PHYH: variants seen among roughly 807,000 people sequenced by gnomAD.
PHYH encodes phytanoyl-CoA 2-hydroxylase.
In PHYH, 32 loss-of-function variants were observed where a neutral mutation model predicts 38.5. That is an observed-to-expected ratio of 0.83 (90% CI 0.63 to 1.12). The LOEUF is 1.12. PHYH is among the 50% of genes most tolerant of loss of function. The pLI is 0.00. For missense variants in PHYH, 426 were observed against 434.8 expected (o/e 0.98, Z 0.18); for synonymous variants, 166 against 157.9 (o/e 1.05, Z -0.38).
chr10:13,282,766 A>G (rs1835444353), intron 7 of PHYH, among the ~76,000 whole-genome samples: 1 of 152,116 alleles, frequency 6.6e-6, no homozygotes, highest in African/African-American at 2.4e-5. Flanking sequence ...CAGCCAATAC[A>G]TTGGGTATTT....
chr10:13,282,728 C>G (rs1835443324), intron 7 of PHYH, among the ~76,000 whole-genome samples: 1 of 151,902 alleles, frequency 6.6e-6, no homozygotes, highest in Admixed American at 6.6e-5. Context: ...CCAATAGTGT[C>G]TTTTATTTAA....
chr10:13,285,559 G>A (rs1448184435), intron 6 of PHYH, among the ~76,000 whole-genome samples: 1 of 151,486 alleles, frequency 6.6e-6, no homozygotes, highest in Non-Finnish European at 1.5e-5. Context: ...TAACAATGGG[G>A]GCTCTTTCCA....
intron 1 of PHYH, 199 bp downstream of exon 1, chr10:13,299,769 G>C (rs1832698465): frequency 4.6e-6 from 6 of 1,312,140 alleles, no homozygotes; most frequent in Non-Finnish European, 5.8e-6. Flanking sequence ...GGCCGCGCGT[G>C]TCCTCGGGGG....
At chr10:13,283,525 A>T (rs974194586) in intron 7 of PHYH, among the ~76,000 whole-genome samples, 165 bp downstream of exon 7, 2 of 152,208 alleles carry the variant, frequency 1.3e-5, no homozygotes, top group Non-Finnish European at 2.9e-5. Context: ...ATTTCCTGGT[A>T]AATAAACTGG....
intron 4 of PHYH, among the ~76,000 whole-genome samples, chr10:13,293,433 T>C (rs142187639): frequency 0.011 from 1,621 of 152,040 alleles, 14 homozygotes; most frequent in Non-Finnish European, 0.017. Context: ...TACTGAGTAG[T>C]TGGGATTACA....
intron 1 of PHYH, among the ~76,000 whole-genome samples, chr10:13,298,454 A>T (rs539780435): frequency 6.6e-6 from 1 of 151,966 alleles, no homozygotes; most frequent in Non-Finnish European, 1.5e-5. Flanking sequence ...TAATCCTAGC[A>T]CTTTGGGAGG....
At position 13,294,347 on chromosome 10, in the gene PHYH, C is replaced by A. The variant is rs577080103; in HGVS notation, c.414+81G>T. 9 of 1,349,232 alleles carry A rather than the reference C, an allele frequency of 6.7e-6. No homozygotes were observed. The East Asian group carries it at 9.2e-5, about 14-fold the overall frequency. 83.6% of individuals were successfully genotyped at this position (1,349,232 alleles called of 1,614,324 possible). ...CTCGGATTACAGGAGTGAGCCACTG[C>A]GCCCGGCCAAATCAGCGGGTTTTAC... On this transcript the variant is annotated intron_variant, in intron 4 of 8. Coordinates refer to ENST00000263038, the MANE Select transcript of PHYH (RefSeq NM_006214.4).
intron 5 of PHYH, among the ~76,000 whole-genome samples, chr10:13,291,017 T>C (rs1588513167): frequency 6.8e-6 from 1 of 147,010 alleles, no homozygotes; most frequent in East Asian, 2.0e-4. Context: ...GAATCAGGAA[T>C]TGTTTGAACC....
intron 7 of PHYH, among the ~76,000 whole-genome samples, chr10:13,281,339 T>C (rs563264113): frequency 6.6e-6 from 1 of 152,206 alleles, no homozygotes; most frequent in Non-Finnish European, 1.5e-5. Context: ...AGATGTGACA[T>C]GTATTTTTGA....
In PHYH at chr10:13,291,833, G is replaced by A. The variant is rs1835718106; in HGVS notation, c.494C>T (p.Ser165Phe). The A allele has an allele frequency of 3.7e-6, 6 of 1,600,722 alleles. No individual in the cohort carries two copies. Among genetic ancestry groups the A allele is most frequent in the Non-Finnish European group, 5.1e-6 (6 of 1,168,964 alleles). ...TTTTTCTTCTCCCTTACAATTACCA[G>A]AATCTGGAGGTTTGTTTATCAACAT... ...HTMLINKPPDSGKKTSRHPLH... is the reference protein window; with the variant it reads ...HTMLINKPPDFGKKTSRHPLH... The change falls in exon 5 of 9, where the codon TCT becomes TTT. Residue 165 changes from serine to phenylalanine, a missense_variant and splice_region_variant. Physicochemically the swap from Ser to Phe is radical, Grantham distance 155. Transcript: ENST00000263038.
At chr10:13,298,078 G>A in intron 2 of PHYH, 109 bp downstream of exon 2, 1 of 740,294 alleles carries the variant, frequency 1.4e-6, no homozygotes, top group Non-Finnish European at 2.4e-6. Context: ...CAGAGGATTT[G>A]TATAATAAAA....
chr10:13,297,761 C>T (rs1024228255), intron 2 of PHYH, among the ~76,000 whole-genome samples: 1 of 151,292 alleles, frequency 6.6e-6, no homozygotes, highest in Non-Finnish European at 1.5e-5. Context: ...GGTGCCCGGC[C>T]ACAAGTTAAT....
chr10:13,299,938 A>C, intron 1 of PHYH, 30 bp downstream of exon 1: 1 of 1,506,838 alleles, frequency 6.6e-7, no homozygotes, highest in Non-Finnish European at 8.8e-7. Flanking sequence ...CGCCGGATCC[A>C]GCCCGAGCCC....
At chr10:13,283,551 G>T in intron 7 of PHYH, 139 bp downstream of exon 7, 1 of 864,768 alleles carries the variant, frequency 1.2e-6, no homozygotes, top group Non-Finnish European at 1.9e-6. Context: ...AGTCCAGGTT[G>T]GTTAAAAGCC....
At position 13,281,041 on chromosome 10, in the gene PHYH, T is replaced by C. The variant is rs1468367622; in HGVS notation, c.898A>G (p.Ile300Val). ...GCTATTCCTACAACTTCCTTCTCGATGTTTTCTTGACTGGTGCCCTTCACG... is the reference window on the plus strand; with the variant it reads ...GCTATTCCTACAACTTCCTTCTCGACGTTTTCTTGACTGGTGCCCTTCACG... The part of the protein sequence containing the change: ...IDVKGTSQEN[I>V]EKEVVGIAHK... Residue 300 changes from isoleucine (I) to valine (V), a missense_variant, in exon 8 of 9, where the codon ATC (isoleucine) becomes GTC (valine). Coordinates refer to ENST00000263038, the MANE Select transcript of PHYH (RefSeq NM_006214.4). The C allele has an allele frequency of 3.7e-6, 6 of 1,614,010 alleles. No individual in the cohort carries two copies. The African/African-American group carries it at 8.0e-5, about 22-fold the overall frequency.
intron 7 of PHYH, among the ~76,000 whole-genome samples, chr10:13,282,407 C>G (rs1229847309): frequency 6.6e-6 from 1 of 152,022 alleles, no homozygotes; most frequent in Non-Finnish European, 1.5e-5. Flanking sequence ...ATTGGCCAAC[C>G]TGGGGAAACC....
intron 1 of PHYH, 65 bp downstream of exon 1, chr10:13,299,903 G>A (rs1018203295): frequency 6.7e-7 from 1 of 1,482,304 alleles, no homozygotes; most frequent in South Asian, 1.3e-5. Context: ...CCGGACCAGG[G>A]CCACCACTCA....
chr10:13,296,357 A>C (rs1247474532), intron 2 of PHYH, among the ~76,000 whole-genome samples: 12 of 151,288 alleles, frequency 7.9e-5, no homozygotes, highest in Admixed American at 7.9e-4. Flanking sequence ...CAGGTGGATC[A>C]CCTGAGGTCG....
chr10:13,293,503 T>C (rs889334169), intron 4 of PHYH, among the ~76,000 whole-genome samples: 4 of 152,132 alleles, frequency 2.6e-5, no homozygotes, highest in African/African-American at 9.7e-5. Context: ...GGTTTCACCA[T>C]GTGTCTCAGG....
Sources: gnomAD v4.1 joint callset for allele counts (sites outside exome capture counted in the v4.1 genomes callset) on GRCh38, gnomAD v4.1.1 for gene constraint, MANE v1.5 for transcripts, NCBI Gene and HGNC (gene_info 2026-07-23, HGNC 2026-07-21) for gene names.